OPCML: variants seen among roughly 807,000 people sequenced by gnomAD.
The protein encoded by OPCML is opioid binding protein/cell adhesion molecule like.
OPCML carries 13 observed loss-of-function variants against 37.8 expected under a neutral mutation model. That is an observed-to-expected ratio of 0.34 (90% confidence interval 0.22 to 0.55). The LOEUF (loss-of-function observed/expected upper bound fraction) is 0.55. Ranked by LOEUF, OPCML falls within the 20% of genes least tolerant of loss-of-function variation. The pLI, the probability that OPCML is intolerant of heterozygous loss-of-function variation, is 0.91. For missense variants in OPCML, 341 were observed against 435.6 expected, an observed-to-expected ratio of 0.78 and a Z score of 1.93; for synonymous variants, 176 against 168.8, an observed-to-expected ratio of 1.04 and a Z score of -0.33.
chr11:133,101,720 T>C (rs781202069), intron 1 of OPCML, among the ~76,000 whole-genome samples: 3 of 152,208 alleles, frequency 2.0e-5, no homozygotes, highest in Non-Finnish European at 4.4e-5. Context: ...CCTTGCTTTT[T>C]CCACAAAATG....
At chr11:133,382,616 G>T (rs4072099) in intron 1 of OPCML, among the ~76,000 whole-genome samples, 2 of 151,982 alleles carry the variant, frequency 1.3e-5, no homozygotes, top group Non-Finnish European at 2.9e-5. Context: ...ACCCAGTGCC[G>T]GGCTGACTAA....
At chr11:132,502,052 A>G (rs997163071) in intron 4 of OPCML, among the ~76,000 whole-genome samples, 3 of 152,204 alleles carry the variant, frequency 2.0e-5, no homozygotes, top group Non-Finnish European at 2.9e-5. Context: ...CTCAAGACCA[A>G]AAGACATGCT....
rs1192122087 is a variant in OPCML at position 133,478,887 on chromosome 11, AGGCACC to A, written c.61+53371_61+53376del. 1.5e-3 allele frequency among the ~76,000 whole-genome samples: 228 copies of A among 151,944 alleles called. 1 individual carries two copies. Among genetic ancestry groups the A allele is most frequent in the Middle Eastern group, 6.8e-3 (2 of 294 alleles). On this transcript the variant is annotated intron_variant, in intron 1 of 7. Coordinates refer to ENST00000524381, the MANE Select transcript of OPCML (RefSeq NM_001012393.5). Reference sequence around the variant, plus strand: ...ACTCACCCTGGAGCTGTGGCACCTGAGGCACCAGAGTTAAATAAAGAAACAAGTCAC... The same window carrying A: ...ACTCACCCTGGAGCTGTGGCACCTGAAGAGTTAAATAAAGAAACAAGTCAC...
At position 133,516,132 on chromosome 11, in the gene OPCML, G is replaced by C. The variant is rs184639030; in HGVS notation, c.61+16132C>G. Among the ~76,000 whole-genome samples, 140 of 152,212 alleles carry C rather than the reference G, an allele frequency of 9.2e-4. 3 individuals carry two copies. The East Asian group carries it at 0.023, about 25-fold the overall frequency. On this transcript the variant is annotated intron_variant, in intron 1 of 7. Coordinates refer to ENST00000524381, the MANE Select transcript of OPCML (RefSeq NM_001012393.5). ...AGATCTGGGAGAGCTTGGGGACTGC[G>C]ACCCCCGCAGAGGGAGAGCAAGGCT...
chr11:132,858,946 G>T (rs1942179781), intron 2 of OPCML, among the ~76,000 whole-genome samples: 1 of 152,168 alleles, frequency 6.6e-6, no homozygotes, highest in Admixed American at 6.5e-5. Flanking sequence ...GAAATCAGAA[G>T]AGTATTCCAC....
chr11:132,621,712 A>G (rs957306341), intron 3 of OPCML, among the ~76,000 whole-genome samples: 1 of 152,220 alleles, frequency 6.6e-6, no homozygotes, highest in Non-Finnish European at 1.5e-5. Context: ...TTACACATAT[A>G]TAAGTTCTCC....
At chr11:132,524,382 T>C (rs2096302468) in intron 4 of OPCML, among the ~76,000 whole-genome samples, 1 of 152,170 alleles carries the variant, frequency 6.6e-6, no homozygotes, top group Non-Finnish European at 1.5e-5. Flanking sequence ...TCCTACTTCC[T>C]GGGCCATGGG....
intron 2 of OPCML, among the ~76,000 whole-genome samples, chr11:132,680,225 AC>A (rs372488781): frequency 1.4e-3 from 220 of 152,052 alleles, no homozygotes; most frequent in African/African-American, 4.9e-3. Flanking sequence ...TGCTTTAATA[AC>A]CCCAATTTAT....
rs74332943 is a variant in OPCML at position 132,802,225 on chromosome 11, C to G, written c.146+140701G>C. Among the ~76,000 whole-genome samples the G allele has an allele frequency of 6.9e-3, 1,046 of 152,324 alleles. 13 individuals carry two copies. The highest frequency in any genetic ancestry group is 0.024 in the African/African-American group (978 of 41,562). On this transcript the variant is annotated intron_variant, in intron 2 of 7. Coordinates refer to ENST00000524381, the MANE Select transcript of OPCML (RefSeq NM_001012393.5). ...TCTTAACTCTTTCTCCTCCTTCCCCCAGCACACAGTCCATTTTTTACCCAG... is the reference window on the plus strand; with the variant it reads ...TCTTAACTCTTTCTCCTCCTTCCCCGAGCACACAGTCCATTTTTTACCCAG...
chr11:132,597,715 A>G (rs916839742), intron 3 of OPCML, among the ~76,000 whole-genome samples: 4 of 152,186 alleles, frequency 2.6e-5, no homozygotes, highest in Non-Finnish European at 5.9e-5. Context: ...ACCACGGCTG[A>G]TCCTCTAGAG....
intron 1 of OPCML, chr11:133,009,254 A>C (rs775879324): frequency 1.0e-5 from 10 of 984,590 alleles, no homozygotes; most frequent in Non-Finnish European, 1.1e-5. Context: ...AACGGACATA[A>C]ATACTTGCTT....
At chr11:132,541,751 C>T (rs1278558525) in intron 3 of OPCML, among the ~76,000 whole-genome samples, 1 of 152,164 alleles carries the variant, frequency 6.6e-6, no homozygotes, top group Non-Finnish European at 1.5e-5. Flanking sequence ...CTCCCATTGA[C>T]TGACTGCAGA....
At chr11:133,406,188 C>T (rs886765988) in intron 1 of OPCML, among the ~76,000 whole-genome samples, 3 of 152,064 alleles carry the variant, frequency 2.0e-5, no homozygotes, top group Non-Finnish European at 4.4e-5. Flanking sequence ...CTCTAAACTT[C>T]GGGCAGCTTG....
At chr11:132,763,257 T>TCGGCCATCTTGCCA (rs1946327779) in intron 2 of OPCML, among the ~76,000 whole-genome samples, 1 of 152,226 alleles carries the variant, frequency 6.6e-6, no homozygotes, top group Non-Finnish European at 1.5e-5. Flanking sequence ...CTGTTTCTAT[T>TCGGCCATCTTGCCA]CGGCCATCTT....
chr11:133,158,277 C>T (rs1477631051), intron 1 of OPCML, among the ~76,000 whole-genome samples: 1 of 151,944 alleles, frequency 6.6e-6, no homozygotes, highest in Non-Finnish European at 1.5e-5. Context: ...TTTGTGTTTC[C>T]GAACAAAATA....
At chr11:133,057,279 G>T (rs2136979810) in intron 1 of OPCML, among the ~76,000 whole-genome samples, 1 of 152,362 alleles carries the variant, frequency 6.6e-6, no homozygotes, top group Non-Finnish European at 1.5e-5. Context: ...AACCTCTGTT[G>T]CCAGGAGGGC....
chr11:133,128,077 C>G (rs1394767989), intron 1 of OPCML, among the ~76,000 whole-genome samples: 1 of 152,112 alleles, frequency 6.6e-6, no homozygotes, highest in African/African-American at 2.4e-5. Flanking sequence ...ATCTTCAGCT[C>G]CCCTCCTTGC....
At chr11:132,741,502 T>C (rs1398384375) in intron 2 of OPCML, among the ~76,000 whole-genome samples, 2 of 152,166 alleles carry the variant, frequency 1.3e-5, no homozygotes, top group African/African-American at 4.8e-5. Context: ...AAAAGGATAG[T>C]TGTTCTAACC....
At chr11:133,420,548 A>T in intron 1 of OPCML, 1 of 983,164 alleles carries the variant, frequency 1.0e-6, no homozygotes, top group Non-Finnish European at 1.2e-6. Flanking sequence ...CCATCTGCAA[A>T]CATCATTAAC....
Sources: allele counts gnomAD v4.1 joint callset (sites outside exome capture counted in the v4.1 genomes callset), GRCh38; gene constraint gnomAD v4.1.1; transcripts MANE v1.5; gene names NCBI Gene and HGNC (gene_info 2026-07-23, HGNC 2026-07-21).